The following MAP3K15 variants were observed in gnomAD, a reference collection of about 807,000 sequenced individuals.
MAP3K15 encodes the protein MAPK/ERK kinase kinase 15.
MAP3K15 carries 124 observed loss-of-function variants against 99.5 expected under a neutral mutation model. The ratio of observed to expected loss-of-function variants is 1.25; its 90% CI spans 1.08 to 1.45. MAP3K15 has a LOEUF of 1.45. Among genes scored for constraint, MAP3K15 ranks in the 40% most tolerant of loss-of-function variants. MAP3K15 has a pLI of 0.00. For missense variants in MAP3K15, 1,242 were observed against 1,079.7 expected (o/e 1.15, Z -2.11); for synonymous variants, 494 against 439.6 (o/e 1.12, Z -1.55).
At chrX:19,482,750 T>C (rs746582728) in intron 3 of MAP3K15, among the ~76,000 whole-genome samples, 3 of 111,702 alleles carry the variant, frequency 2.7e-5, no homozygotes, top group East Asian at 2.8e-4. Context: ...TTTTGTGGTA[T>C]GTAAATTATA....
intron 13 of MAP3K15, among the ~76,000 whole-genome samples, chrX:19,403,215 CTT>C (rs1283576254): frequency 1.8e-5 from 2 of 110,666 alleles, no homozygotes; most frequent in Admixed American, 1.9e-4. Flanking sequence ...ACATTACAAA[CTT>C]GTTTATACGT....
At chrX:19,429,821 AGG>A (rs2063867056) in intron 7 of MAP3K15, among the ~76,000 whole-genome samples, 3 of 92,014 alleles carry the variant, frequency 3.3e-5, no homozygotes, top group Non-Finnish European at 6.3e-5. Flanking sequence ...AGAGAGAGAG[AGG>A]AAGCAGTTAG....
At chrX:19,491,494 G>T (rs1038962016) in intron 1 of MAP3K15, among the ~76,000 whole-genome samples, 3 of 109,476 alleles carry the variant, frequency 2.7e-5, no homozygotes, top group African/African-American at 1.0e-4. Context: ...AGGATATGGG[G>T]GATCAAAGGG....
chrX:19,427,502 G>A (rs1026129606), intron 7 of MAP3K15, among the ~76,000 whole-genome samples: 7 of 111,416 alleles, frequency 6.3e-5, no homozygotes, highest in Non-Finnish European at 1.3e-4. Context: ...GGCAAAGTGA[G>A]GCCAGGGACA....
At chrX:19,477,466 GGCC>G (rs1406131398) in intron 3 of MAP3K15, among the ~76,000 whole-genome samples, 26 of 111,046 alleles carry the variant, frequency 2.3e-4, no homozygotes, top group Non-Finnish European at 4.2e-4. Context: ...CACTTTGGGA[GGCC>G]AAGGCCAAGG....
chrX:19,476,815 T>A (rs1307032817), intron 3 of MAP3K15, among the ~76,000 whole-genome samples: 1 of 112,103 alleles, frequency 8.9e-6, no homozygotes, highest in East Asian at 2.8e-4. Context: ...TTTACACAAC[T>A]GAATGGCCAT....
At chrX:19,508,461 C>T (rs900459189) in intron 1 of MAP3K15, among the ~76,000 whole-genome samples, 2 of 112,648 alleles carry the variant, frequency 1.8e-5, no homozygotes, top group Admixed American at 9.4e-5. Flanking sequence ...CGTGAGCCAC[C>T]GTGCCCGGCC....
At chrX:19,402,513 A>G (rs1243975370) in intron 13 of MAP3K15, among the ~76,000 whole-genome samples, 1 of 111,463 alleles carries the variant, frequency 9.0e-6, no homozygotes, top group Non-Finnish European at 1.9e-5. Context: ...ACCAAAAGGC[A>G]TATATAAGAA....
intron 28 of MAP3K15, 149 bp downstream of exon 28, chrX:19,361,190 G>T: frequency 2.1e-6 from 1 of 470,612 alleles, no homozygotes; most frequent in Non-Finnish European, 3.6e-6. Context: ...CTGGCTTTCA[G>T]TTTCTGCCCC....
chrX:19,478,608 G>T (rs773534689), intron 3 of MAP3K15, among the ~76,000 whole-genome samples: 57 of 109,974 alleles, frequency 5.2e-4, no homozygotes, highest in Non-Finnish European at 9.1e-4. Context: ...GTTTTTCAAA[G>T]AATTTCTAAT....
intron 18 of MAP3K15, among the ~76,000 whole-genome samples, chrX:19,381,760 T>C (rs1267966218): frequency 8.9e-6 from 1 of 111,842 alleles, no homozygotes; most frequent in African/African-American, 3.2e-5. Flanking sequence ...ATAACATCCT[T>C]CGTTTTCCTT....
intron 19 of MAP3K15, 120 bp from the exon 20 acceptor site, chrX:19,374,780 C>T (rs955179707): frequency 3.2e-5 from 19 of 596,438 alleles, no homozygotes; most frequent in Non-Finnish European, 4.6e-5. Context: ...ATCCATGCCC[C>T]CTTGCAACGT....
At chrX:19,491,800 TG>T (rs947166232) in intron 1 of MAP3K15, among the ~76,000 whole-genome samples, 1 of 110,465 alleles carries the variant, frequency 9.1e-6, no homozygotes, top group African/African-American at 3.3e-5. Flanking sequence ...TCTTGTGCCT[TG>T]GCCTCCAGAG....
intron 6 of MAP3K15, among the ~76,000 whole-genome samples, chrX:19,453,375 C>A (rs2064069555): frequency 9.1e-6 from 1 of 109,358 alleles, no homozygotes; most frequent in African/African-American, 3.3e-5. Context: ...TGATGCGCAC[C>A]TGTAATCCCA....
chrX:19,458,612 G>A (rs1048899754), intron 5 of MAP3K15, among the ~76,000 whole-genome samples: 6 of 111,728 alleles, frequency 5.4e-5, no homozygotes, highest in Non-Finnish European at 9.4e-5. Context: ...CCTGGGAGTC[G>A]GAGGTTGCAG....
In MAP3K15 at chrX:19,372,756, A is replaced by C; in HGVS notation, c.3005T>G (p.Leu1002Arg). Reference sequence around the variant, plus strand: ...CTCACTGTCCTTGCGTAGCAGGAAGAGGCCCTGGTCCCTGTCCTCCGGGGA... The same window carrying C: ...CTCACTGTCCTTGCGTAGCAGGAAGCGGCCCTGGTCCCTGTCCTCCGGGGA... ...ASSPEDRDQG[L>R]FLLRKDSERR... The change falls in exon 22 of 29, where the codon CTC (leucine) becomes CGC (arginine). Residue 1002 changes from leucine to arginine, a missense_variant. Physicochemically the swap from Leu to Arg is moderately radical, Grantham distance 102 (BLOSUM62 -2). Coordinates refer to ENST00000338883, the MANE Select transcript of MAP3K15 (RefSeq NM_001001671.4). 4 of 1,211,360 alleles carry C rather than the reference A, an allele frequency of 3.3e-6. No individual in the cohort carries two copies. Among genetic ancestry groups the C allele is most frequent in the Non-Finnish European group, 4.5e-6 (4 of 895,013 alleles).
At chrX:19,405,384 A>G (rs2063640414) in intron 13 of MAP3K15, among the ~76,000 whole-genome samples, 2 of 111,513 alleles carry the variant, frequency 1.8e-5, no homozygotes, top group Admixed American at 9.6e-5. Flanking sequence ...ACTCATGAGG[A>G]AACGATAAAC....
At chrX:19,420,522 C>A (rs1465430460) in intron 9 of MAP3K15, among the ~76,000 whole-genome samples, 2 of 111,386 alleles carry the variant, frequency 1.8e-5, no homozygotes, top group African/African-American at 3.3e-5. Flanking sequence ...CAATAACAGG[C>A]TCTGAAATTG....
chrX:19,433,900 G>A (rs1192152801), intron 6 of MAP3K15, among the ~76,000 whole-genome samples: 1 of 111,189 alleles, frequency 9.0e-6, no homozygotes, highest in African/African-American at 3.3e-5. Context: ...ATTAACGGAA[G>A]AACAGCAAAA....
Sources: gnomAD v4.1 joint callset for allele counts (sites outside exome capture counted in the v4.1 genomes callset) on GRCh38, gnomAD v4.1.1 for gene constraint, MANE v1.5 for transcripts, NCBI Gene and HGNC (gene_info 2026-07-23, HGNC 2026-07-21) for gene names.